The following GRM1 variants were observed in gnomAD, a reference collection of about 807,000 sequenced individuals.
The protein encoded by GRM1 is glutamate metabotropic receptor 1.
GRM1 carries 33 observed loss-of-function variants against 90.9 expected under a neutral mutation model. That is an observed-to-expected ratio of 0.36 (90% CI 0.28 to 0.49). GRM1 has a LOEUF of 0.49. GRM1 is among the 20% of genes least tolerant of loss of function. GRM1 has a pLI of 0.99. For synonymous variants in GRM1, 700 were observed against 613.2 expected, an observed-to-expected ratio of 1.14 and a Z score of -2.09; for missense variants, 1,190 against 1,534.3, an observed-to-expected ratio of 0.78 and a Z score of 3.75.
chr6:146,362,537 G>A (rs768662543), intron 5 of GRM1, among the ~76,000 whole-genome samples: 4 of 150,976 alleles, frequency 2.6e-5, no homozygotes, highest in Non-Finnish European at 4.4e-5. Context: ...AAGTTAGCCA[G>A]GTGTGGTGGC....
rs540657363 is a variant in GRM1, at chr6:146,040,972, A to C, written c.700+10755A>C. 8.7e-4 allele frequency among the ~76,000 whole-genome samples: 132 copies of C among 151,696 alleles called. 2 individuals carry two copies. Among genetic ancestry groups the C allele is most frequent in the African/African-American group, 3.1e-3 (128 of 41,340 alleles). Reference sequence around the variant, plus strand: ...TTTTTTCTCCTCTGAATGTATTTTCAAATAACCTGTCTTCAAGCTCATAAA... The same window carrying C: ...TTTTTTCTCCTCTGAATGTATTTTCCAATAACCTGTCTTCAAGCTCATAAA... On this transcript the variant is annotated intron_variant, in intron 1 of 7. Transcript: ENST00000282753.
intron 7 of GRM1, among the ~76,000 whole-genome samples, chr6:146,413,458 C>A (rs906142851): frequency 3.9e-5 from 6 of 152,034 alleles, no homozygotes; most frequent in African/African-American, 1.2e-4. Flanking sequence ...CAGTCTTCAG[C>A]ATTTCTTTCC....
chr6:146,066,768 G>C (rs201921337), intron 1 of GRM1, among the ~76,000 whole-genome samples: 59,421 of 147,368 alleles, frequency 0.4, 11,689 homozygotes, highest in Middle Eastern at 0.52. Context: ...CAGACAGGCA[G>C]AGAGAGAGAG....
chr6:146,420,005 G>A (rs933107087), intron 7 of GRM1, among the ~76,000 whole-genome samples: 2 of 152,190 alleles, frequency 1.3e-5, no homozygotes, highest in African/African-American at 4.8e-5. Flanking sequence ...AAGGACTGGG[G>A]TGAGGAAATG....
chr6:146,234,299 C>T (rs1780554501), intron 2 of GRM1, among the ~76,000 whole-genome samples: 1 of 152,030 alleles, frequency 6.6e-6, no homozygotes, highest in African/African-American at 2.4e-5. Flanking sequence ...TTCTGGCACT[C>T]TCTTTCCTTT....
chr6:146,309,357 C>G (rs1446873842), intron 3 of GRM1, among the ~76,000 whole-genome samples: 4 of 151,720 alleles, frequency 2.6e-5, no homozygotes, highest in African/African-American at 9.7e-5. Flanking sequence ...CGAGATCGCG[C>G]CACTGCACTC....
intron 1 of GRM1, among the ~76,000 whole-genome samples, chr6:146,156,477 TC>T (rs1291947658): frequency 6.6e-6 from 1 of 152,196 alleles, no homozygotes. Context: ...TACCTGGTCT[TC>T]CTTCTTGTGG....
intron 2 of GRM1, among the ~76,000 whole-genome samples, chr6:146,179,575 G>A (rs1361711698): frequency 6.6e-6 from 1 of 152,176 alleles, no homozygotes; most frequent in Non-Finnish European, 1.5e-5. Context: ...GTGCAGTGGT[G>A]CGATCTTGGC....
At chr6:146,240,771 C>T (rs1487407646) in intron 2 of GRM1, among the ~76,000 whole-genome samples, 1 of 152,100 alleles carries the variant, frequency 6.6e-6, no homozygotes, top group Admixed American at 6.6e-5. Context: ...CTTTACAACA[C>T]GTTTTCCTTT....
At chr6:146,421,547 A>G (rs1265036387) in intron 7 of GRM1, among the ~76,000 whole-genome samples, 11 of 152,174 alleles carry the variant, frequency 7.2e-5, no homozygotes, top group Admixed American at 2.6e-4. Context: ...GCAGATTCAT[A>G]TTTAGAATAA....
At chr6:146,389,367 C>G (rs535895722) in intron 6 of GRM1, among the ~76,000 whole-genome samples, 1 of 152,024 alleles carries the variant, frequency 6.6e-6, no homozygotes, top group South Asian at 2.1e-4. Context: ...TAGGGCTTAT[C>G]TCACACATTA....
intron 2 of GRM1, among the ~76,000 whole-genome samples, chr6:146,250,340 A>G (rs1781226808): frequency 6.6e-6 from 1 of 152,182 alleles, no homozygotes; most frequent in African/African-American, 2.4e-5. Flanking sequence ...CATAATCCTT[A>G]CATGTCAAGG....
At chr6:146,376,164 C>T (rs993188270) in intron 5 of GRM1, among the ~76,000 whole-genome samples, 7 of 151,946 alleles carry the variant, frequency 4.6e-5, no homozygotes, top group South Asian at 2.1e-4. Context: ...CTAATAAAAA[C>T]GATATGCCTT....
At chr6:146,124,762 T>C (rs941488398) in intron 1 of GRM1, among the ~76,000 whole-genome samples, 1 of 152,184 alleles carries the variant, frequency 6.6e-6, no homozygotes, top group Admixed American at 6.5e-5. Flanking sequence ...TTTTTATAAC[T>C]TTAAATGCAT....
intron 7 of GRM1, among the ~76,000 whole-genome samples, chr6:146,432,015 C>T (rs117529529): frequency 0.018 from 2,776 of 152,280 alleles, 38 homozygotes; most frequent in South Asian, 0.031. Flanking sequence ...TTGCCAGGGA[C>T]ACCACTGACC....
intron 3 of GRM1, among the ~76,000 whole-genome samples, chr6:146,334,075 TG>T (rs1036875041): frequency 7.2e-5 from 11 of 152,310 alleles, no homozygotes; most frequent in African/African-American, 2.4e-4. Context: ...TGTCCTAACC[TG>T]GGTTCTCCTT....
At position 146,334,628 on chromosome 6, in the gene GRM1, A is replaced by T. The variant is rs557605286; in HGVS notation, c.1187-17622A>T. Among the ~76,000 whole-genome samples the T allele has an allele frequency of 2.6e-5, 4 of 152,312 alleles. No individual in the cohort carries two copies. In the South Asian group the frequency reaches 8.3e-4, roughly 32 times the overall value. ...AAGTTGCATTGGTCAGTATGAATAA[A>T]CTAAGACCAGAATGCAAATCCACTG... On this transcript the variant is annotated intron_variant, in intron 3 of 7. Transcript: ENST00000282753.
rs558735651 is a variant in GRM1, at chr6:146,172,528, GT to G, written c.950+12932del. ...AAGGTCAAAGAGAGGACAGGTATTA[GT>G]AGTCTGTGGAAAAAGCAGTATCTAG... On this transcript the variant is annotated intron_variant, in intron 2 of 7. Coordinates refer to ENST00000282753, the MANE Select transcript of GRM1 (RefSeq NM_001278064.2). Among the ~76,000 whole-genome samples, 762 of 152,318 alleles carry G rather than the reference GT, an allele frequency of 5.0e-3. 6 individuals are homozygous for G. Among genetic ancestry groups the G allele is most frequent in the African/African-American group, 0.018 (731 of 41,560 alleles).
At chr6:146,066,441 T>C (rs574769780) in intron 1 of GRM1, among the ~76,000 whole-genome samples, 6 of 152,332 alleles carry the variant, frequency 3.9e-5, no homozygotes, top group African/African-American at 1.4e-4. Flanking sequence ...TACATTTTCT[T>C]TATCCAATCC....
Sources: allele counts gnomAD v4.1 joint callset (sites outside exome capture counted in the v4.1 genomes callset), GRCh38; gene constraint gnomAD v4.1.1; transcripts MANE v1.5; gene names NCBI Gene and HGNC (gene_info 2026-07-23, HGNC 2026-07-21).